Variants in TNFRSF19 observed in about 807,000 individuals in gnomAD.
The protein encoded by TNFRSF19 is tumor necrosis factor receptor superfamily member 19.
In TNFRSF19, 27 loss-of-function variants were observed where a neutral mutation model predicts 46.4. That is an observed-to-expected ratio of 0.58 (90% CI 0.43 to 0.80). TNFRSF19 has a LOEUF of 0.80. Among genes scored for constraint, TNFRSF19 ranks in the 30% least tolerant of loss-of-function variants. The pLI is 0.00. For missense variants in TNFRSF19, 511 were observed against 530.8 expected, an observed-to-expected ratio of 0.96 and a Z score of 0.37; for synonymous variants, 204 against 205.0, an observed-to-expected ratio of 1.00 and a Z score of 0.04.
At chr13:23,620,386 C>G (rs1462292016) in intron 4 of TNFRSF19, among the ~76,000 whole-genome samples, 1 of 152,184 alleles carries the variant, frequency 6.6e-6, no homozygotes, top group East Asian at 1.9e-4. Flanking sequence ...CCGAGGTCCC[C>G]CAGGACACCA....
chr13:23,673,668 T>C lies in TNFRSF19; in HGVS notation c.*288T>C, dbSNP rs1951789827. On this transcript the variant is annotated 3_prime_UTR_variant, in exon 10 of 10. Transcript: ENST00000248484. ...CCACAAAAGTGACTTCAAAGACGGA[T>C]GGGTTGAGCTGGCAGCCTATGAGAT... 1.5e-6 allele frequency: 1 copy of C among 678,208 alleles called. No homozygotes were observed. Among genetic ancestry groups the C allele is most frequent in the Non-Finnish European group, 2.0e-6 (1 of 493,718 alleles). 42.0% of individuals were successfully genotyped at this position (678,208 alleles called of 1,614,324 possible). A position where few individuals can be genotyped will look rare whatever the true frequency, so the allele number is the denominator to read the frequency against.
intron 4 of TNFRSF19, among the ~76,000 whole-genome samples, chr13:23,624,753 CTTT>C (rs1005209921): frequency 6.9e-6 from 1 of 144,778 alleles, no homozygotes; most frequent in Non-Finnish European, 1.5e-5. Context: ...ATACACATAA[CTTT>C]TTTTTTTTTT....
chr13:23,651,154 A>G (rs1232057568), intron 5 of TNFRSF19, among the ~76,000 whole-genome samples: 3 of 152,220 alleles, frequency 2.0e-5, no homozygotes, highest in East Asian at 3.8e-4. Context: ...TAGATTCATC[A>G]TCAGGTTTTA....
intron 9 of TNFRSF19, among the ~76,000 whole-genome samples, chr13:23,670,284 T>C (rs1024380792): frequency 8.5e-5 from 13 of 152,312 alleles, no homozygotes; most frequent in South Asian, 2.1e-4. Flanking sequence ...AGCCTCGTCC[T>C]CCTGGGCTCA....
At chr13:23,661,528 A>G (rs868000737) in intron 7 of TNFRSF19, among the ~76,000 whole-genome samples, 1 of 152,246 alleles carries the variant, frequency 6.6e-6, no homozygotes, top group Admixed American at 6.5e-5. Flanking sequence ...TTTATGGTAG[A>G]GTGATTTATA....
chr13:23,663,671 C>T (rs1884520422), intron 7 of TNFRSF19, among the ~76,000 whole-genome samples: 1 of 152,066 alleles, frequency 6.6e-6, no homozygotes, highest in Non-Finnish European at 1.5e-5. Flanking sequence ...CTATTTACTA[C>T]TGATTCAGTT....
chr13:23,600,006 A>G (rs1033702597), intron 3 of TNFRSF19, among the ~76,000 whole-genome samples: 2 of 152,190 alleles, frequency 1.3e-5, no homozygotes, highest in Non-Finnish European at 2.9e-5. Context: ...GAAAATCTGA[A>G]TGAAACTTCA....
intron 4 of TNFRSF19, among the ~76,000 whole-genome samples, chr13:23,618,701 A>C (rs1881466447): frequency 6.6e-6 from 1 of 152,184 alleles, no homozygotes; most frequent in Admixed American, 6.5e-5. Context: ...CCACACAAAA[A>C]CTTGTACACT....
chr13:23,652,087 C>T (rs1159357897), intron 5 of TNFRSF19, among the ~76,000 whole-genome samples: 1 of 151,962 alleles, frequency 6.6e-6, no homozygotes, highest in African/African-American at 2.4e-5. Flanking sequence ...GGGGCTGGCC[C>T]CTGCACTTGT....
chr13:23,588,044 C>T (rs1237846093), intron 1 of TNFRSF19, among the ~76,000 whole-genome samples: 1 of 152,194 alleles, frequency 6.6e-6, no homozygotes, highest in Non-Finnish European at 1.5e-5. Context: ...ATGTCATTAA[C>T]ATGAAGGACA....
intron 2 of TNFRSF19, among the ~76,000 whole-genome samples, chr13:23,592,661 C>T (rs1409521478): frequency 2.6e-5 from 4 of 152,128 alleles, no homozygotes; most frequent in African/African-American, 4.8e-5. Flanking sequence ...AGAGTTGGGC[C>T]ACTACTGCCA....
At chr13:23,580,236 C>T (rs1050900179) in intron 1 of TNFRSF19, among the ~76,000 whole-genome samples, 5 of 152,138 alleles carry the variant, frequency 3.3e-5, no homozygotes, top group Non-Finnish European at 7.3e-5. Flanking sequence ...ATCCAGTCTC[C>T]GTTCACTATT....
At chr13:23,598,685 T>C (rs1307340918) in intron 3 of TNFRSF19, among the ~76,000 whole-genome samples, 2 of 152,226 alleles carry the variant, frequency 1.3e-5, no homozygotes, top group African/African-American at 2.4e-5. Flanking sequence ...GTGTGTTATA[T>C]CAGGACACAT....
chr13:23,603,470 CTG>C (rs1012951145), intron 3 of TNFRSF19, among the ~76,000 whole-genome samples: 2 of 152,034 alleles, frequency 1.3e-5, no homozygotes, highest in Admixed American at 6.5e-5. Flanking sequence ...CTAACTCATT[CTG>C]TGAGGCCAGA....
intron 3 of TNFRSF19, among the ~76,000 whole-genome samples, chr13:23,611,381 G>A (rs746472600): frequency 2.0e-5 from 3 of 152,188 alleles, no homozygotes; most frequent in Admixed American, 6.5e-5. Context: ...AAGAGGAACC[G>A]TCAGAGGTGA....
At chr13:23,664,426 C>T (rs1327281771) in intron 7 of TNFRSF19, among the ~76,000 whole-genome samples, 1 of 152,090 alleles carries the variant, frequency 6.6e-6, no homozygotes, top group African/African-American at 2.4e-5. Context: ...TACACTTACA[C>T]ATCCCACTCC....
At chr13:23,594,138 C>A (rs574064152) in intron 3 of TNFRSF19, 19 of 408,968 alleles carry the variant, frequency 4.6e-5, no homozygotes, top group Non-Finnish European at 8.2e-5. Context: ...GTGCCTACAC[C>A]ACTGGGGCCC....
chr13:23,573,205 G>A (rs1000160814), intron 1 of TNFRSF19, among the ~76,000 whole-genome samples: 1 of 152,122 alleles, frequency 6.6e-6, no homozygotes, highest in African/African-American at 2.4e-5. Context: ...TTAAACAAAT[G>A]CACTCTGTAG....
intron 5 of TNFRSF19, among the ~76,000 whole-genome samples, chr13:23,627,398 T>G (rs1882079349): frequency 6.6e-6 from 1 of 152,252 alleles, no homozygotes; most frequent in African/African-American, 2.4e-5. Context: ...TAGTTACTCC[T>G]TTTGACTATG....
Sources: gnomAD v4.1 joint callset for allele counts (sites outside exome capture counted in the v4.1 genomes callset) on GRCh38, gnomAD v4.1.1 for gene constraint, MANE v1.5 for transcripts, NCBI Gene and HGNC (gene_info 2026-07-23, HGNC 2026-07-21) for gene names.